The following PCDHGB1 variants were observed in gnomAD, a reference collection of about 807,000 sequenced individuals.
PCDHGB1 encodes the protein protocadherin gamma subfamily B, 1, also known as protocadherin gamma-B1.
PCDHGB1 carries 34 observed loss-of-function variants against 56.6 expected under a neutral mutation model. The ratio of observed to expected loss-of-function variants is 0.60; its 90% CI spans 0.46 to 0.80. PCDHGB1 has a LOEUF of 0.80. Among genes scored for constraint, PCDHGB1 ranks in the 30% least tolerant of loss-of-function variants. The pLI is 0.00. For missense variants in PCDHGB1, 1,278 were observed against 1,204.6 expected, an observed-to-expected ratio of 1.06 and a Z score of -0.90; for synonymous variants, 561 against 505.9, an observed-to-expected ratio of 1.11 and a Z score of -1.46.
In PCDHGB1 at chr5:141,431,553, A is replaced by G; in HGVS notation, c.2410-63254A>G. ...TTGGGCACGCAGCTGCTTGTAGTCA[A>G]CGCTACCGACCCTGACGAAGGAGTC... On this transcript the variant is annotated intron_variant, in intron 1 of 3. Transcript: ENST00000523390. The surrounding 1 kb of genome is among the most constrained non-coding windows in gnomAD (Gnocchi z 4.8). 1.2e-6 allele frequency: 2 copies of G among 1,614,112 alleles called. No individual in the cohort carries two copies. Among genetic ancestry groups the G allele is most frequent in the Non-Finnish European group, 1.7e-6 (2 of 1,180,020 alleles).
At chr5:141,437,561 C>G (rs1228292384) in intron 1 of PCDHGB1, among the ~76,000 whole-genome samples, 1 of 152,110 alleles carries the variant, frequency 6.6e-6, no homozygotes, top group Non-Finnish European at 1.5e-5. Context: ...TGACATGTAA[C>G]AGAGTATAGC....
intron 1 of PCDHGB1, among the ~76,000 whole-genome samples, chr5:141,475,556 T>A (rs1420756007): frequency 6.6e-6 from 1 of 152,248 alleles, no homozygotes; most frequent in Non-Finnish European, 1.5e-5. Context: ...CGGCTAATTG[T>A]CTGTCTTCCA....
chr5:141,509,513 T>C (rs2099877131), intron 3 of PCDHGB1, among the ~76,000 whole-genome samples: 2 of 152,068 alleles, frequency 1.3e-5, no homozygotes, highest in Non-Finnish European at 2.9e-5. Flanking sequence ...ACGGTGTTGA[T>C]GATGTATTGC....
chr5:141,420,186 C>A, intron 1 of PCDHGB1: 1 of 1,613,696 alleles, frequency 6.2e-7, no homozygotes, highest in Non-Finnish European at 8.5e-7. Context: ...CATTGTCCAG[C>A]CACACAAGAT....
chr5:141,467,233 A>G (rs1009794220), intron 1 of PCDHGB1, among the ~76,000 whole-genome samples: 1 of 151,564 alleles, frequency 6.6e-6, no homozygotes, highest in South Asian at 2.1e-4. Flanking sequence ...TTGTATTTTT[A>G]GTAGAGATGG....
chr5:141,438,807 G>A (rs956766683), intron 1 of PCDHGB1, among the ~76,000 whole-genome samples: 13 of 149,270 alleles, frequency 8.7e-5, no homozygotes, highest in African/African-American at 1.7e-4. Context: ...GATTACAGGC[G>A]CCTGTCACCA....
intron 1 of PCDHGB1, chr5:141,423,559 G>T: frequency 6.2e-7 from 1 of 1,613,584 alleles, no homozygotes; most frequent in Non-Finnish European, 8.5e-7. Flanking sequence ...CAACTATGGG[G>T]ACACGCTCAT....
At chr5:141,446,822 A>G (rs976227044) in intron 1 of PCDHGB1, among the ~76,000 whole-genome samples, 1 of 152,206 alleles carries the variant, frequency 6.6e-6, no homozygotes, top group African/African-American at 2.4e-5. Flanking sequence ...TCAGATGGGT[A>G]GATCCTTATA....
At chr5:141,450,129 C>T (rs1211301953) in intron 1 of PCDHGB1, among the ~76,000 whole-genome samples, 1 of 151,472 alleles carries the variant, frequency 6.6e-6, no homozygotes, top group African/African-American at 2.4e-5. Context: ...GCCTTAGCCT[C>T]CTGAGTAGCT....
Position 141,486,390 on chromosome 5 carries a change from C to T in PCDHGB1, c.2410-8417C>T. 6.2e-7 allele frequency: 1 copy of T among 1,614,138 alleles called. No homozygotes were observed. The highest frequency in any genetic ancestry group is 1.1e-5 in the South Asian group (1 of 91,084). On this transcript the variant is annotated intron_variant, in intron 1 of 3. Coordinates refer to ENST00000523390, the MANE Select transcript of PCDHGB1 (RefSeq NM_018922.3). This position sits in a 1 kb window ranked among gnomAD's most constrained non-coding sequence, Gnocchi z 5.0. ...AAGTCTGCCTTCAGGAACCAGTTCTCCCTGGTGACTGCTGGACCCTTGGAT... is the reference window on the plus strand; with the variant it reads ...AAGTCTGCCTTCAGGAACCAGTTCTTCCTGGTGACTGCTGGACCCTTGGAT...
chr5:141,361,059 T>A, intron 1 of PCDHGB1: 1 of 1,613,844 alleles, frequency 6.2e-7, no homozygotes, highest in Non-Finnish European at 8.5e-7. Flanking sequence ...ATGATTTGGA[T>A]TTTGAGATTG....
At chr5:141,447,957 A>T (rs1460497437) in intron 1 of PCDHGB1, among the ~76,000 whole-genome samples, 3 of 151,910 alleles carry the variant, frequency 2.0e-5, no homozygotes, top group African/African-American at 7.3e-5. Context: ...ATGGTGGCGG[A>T]CACCTATAAT....
intron 3 of PCDHGB1, among the ~76,000 whole-genome samples, chr5:141,506,381 G>A (rs750584158): frequency 2.0e-5 from 3 of 151,216 alleles, no homozygotes; most frequent in Non-Finnish European, 4.4e-5. Context: ...CCTGGGAGGT[G>A]GCTGTGGTGA....
intron 1 of PCDHGB1, among the ~76,000 whole-genome samples, chr5:141,435,157 A>G (rs1387976305): frequency 6.6e-6 from 1 of 152,176 alleles, no homozygotes; most frequent in Non-Finnish European, 1.5e-5. Context: ...AAACTTTTGT[A>G]AATAGAGTGG....
chr5:141,409,275 A>G (rs1266955919), intron 1 of PCDHGB1: 1 of 1,614,020 alleles, frequency 6.2e-7, no homozygotes, highest in South Asian at 1.1e-5. Flanking sequence ...CAGATTTTGG[A>G]GAATTCACCT....
rs138087785 is a variant in PCDHGB1, at chr5:141,383,992, G to T, written c.2409+31323G>T. 9.8e-5 allele frequency: 158 copies of T among 1,613,878 alleles called. No homozygotes were observed. The East Asian group carries it at 3.5e-3, about 35-fold the overall frequency. On this transcript the variant is annotated intron_variant, in intron 1 of 3. Coordinates refer to ENST00000523390, the MANE Select transcript of PCDHGB1 (RefSeq NM_018922.3). Reference sequence around the variant, plus strand: ...CCCTGAAGACACACCTCTTGGGACAGTCATTGCTCTTTTCTACCTACAAGA... The same window carrying T: ...CCCTGAAGACACACCTCTTGGGACATTCATTGCTCTTTTCTACCTACAAGA...
At chr5:141,458,345 G>A (rs1161535708) in intron 1 of PCDHGB1, among the ~76,000 whole-genome samples, 2 of 152,112 alleles carry the variant, frequency 1.3e-5, no homozygotes, top group Non-Finnish European at 2.9e-5. Context: ...GGAGTGGAGA[G>A]TTTAATAAGC....
At chr5:141,421,964 C>A (rs772274014) in intron 1 of PCDHGB1, 3 of 1,611,350 alleles carry the variant, frequency 1.9e-6, no homozygotes, top group Non-Finnish European at 2.5e-6. Flanking sequence ...TTTACACAGT[C>A]CGTATATCGC....
intron 1 of PCDHGB1, among the ~76,000 whole-genome samples, chr5:141,459,176 T>C (rs2098962762): frequency 6.6e-6 from 1 of 152,210 alleles, no homozygotes. Context: ...CTTCAAAAGT[T>C]CCCTCATGCC....
Sources: allele counts gnomAD v4.1 joint callset (sites outside exome capture counted in the v4.1 genomes callset), GRCh38; gene constraint gnomAD v4.1.1; non-coding constraint Gnocchi (gnomAD v3.1); transcripts MANE v1.5; gene names NCBI Gene and HGNC (gene_info 2026-07-23, HGNC 2026-07-21).